The following TENM2 variants were observed in gnomAD, a reference collection of about 807,000 sequenced individuals.
TENM2 encodes teneurin transmembrane protein 2.
In TENM2, 52 loss-of-function variants were observed where a neutral mutation model predicts 245.2. That is an observed-to-expected ratio of 0.21 (90% confidence interval 0.17 to 0.27). The LOEUF (loss-of-function observed/expected upper bound fraction) is 0.27. TENM2 is among the 10% of genes least tolerant of loss of function. The probability of loss-of-function intolerance (pLI) is 1.00; values close to 1 mark genes in which losing one functional copy is unlikely to be tolerated. For missense variants in TENM2, 3,046 were observed against 3,666.8 expected (o/e 0.83, Z 4.37); for synonymous variants, 1,363 against 1,438.9 (o/e 0.95, Z 1.19).
intron 3 of TENM2, among the ~76,000 whole-genome samples, chr5:167,908,148 A>C (rs1270003467): frequency 1.3e-5 from 2 of 152,136 alleles, no homozygotes; most frequent in African/African-American, 4.8e-5. Context: ...GGTTCTCGGA[A>C]TCACTCTGTC....
intron 2 of TENM2, among the ~76,000 whole-genome samples, chr5:167,508,660 AAG>A (rs916943717): frequency 3.5e-4 from 54 of 152,308 alleles, no homozygotes; most frequent in African/African-American, 1.3e-3. Flanking sequence ...AGCTAATGTT[AAG>A]AGTTATTTAT....
At chr5:167,065,684 A>C in the TENM2 span, among the ~76,000 whole-genome samples, 4 of 152,252 alleles carry the variant, frequency 2.6e-5, no homozygotes, top group Non-Finnish European at 5.9e-5. Flanking sequence ...AAAGATAGGA[A>C]TCAATTCTGG....
intron 2 of TENM2, among the ~76,000 whole-genome samples, chr5:167,690,923 ATGTGTGTGTGTGTG>A (rs375456466): frequency 2.8e-4 from 22 of 78,782 alleles, no homozygotes; most frequent in South Asian, 2.3e-3. Flanking sequence ...ATATGCGAGT[ATGTGTGTGTGTGTG>A]TGTGTGTGTG....
At chr5:167,810,113 G>T (rs1766522808) in intron 2 of TENM2, among the ~76,000 whole-genome samples, 1 of 152,010 alleles carries the variant, frequency 6.6e-6, no homozygotes, top group Non-Finnish European at 1.5e-5. Flanking sequence ...ATAAAAAGTA[G>T]GTCTTGTCAA....
chr5:167,315,581 G>A (rs777100912), intron 1 of TENM2, among the ~76,000 whole-genome samples: 27 of 152,050 alleles, frequency 1.8e-4, no homozygotes, highest in Non-Finnish European at 1.5e-5. Context: ...AACAGAAAGT[G>A]TTTAGAAACA....
chr5:167,253,460 A>T, the TENM2 span, among the ~76,000 whole-genome samples: 1 of 151,992 alleles, frequency 6.6e-6, no homozygotes, highest in Non-Finnish European at 1.5e-5. Context: ...AACAAACAAA[A>T]AAAAGTGACC....
intron 2 of TENM2, among the ~76,000 whole-genome samples, chr5:167,727,773 GA>G (rs569756448): frequency 7.9e-5 from 12 of 152,266 alleles, no homozygotes; most frequent in African/African-American, 2.9e-4. Flanking sequence ...TTGAGGCCCA[GA>G]AAGGTTTAAA....
chr5:167,743,776 C>A, intron 2 of TENM2, among the ~76,000 whole-genome samples: 1 of 152,076 alleles, frequency 6.6e-6, no homozygotes, highest in East Asian at 1.9e-4. Flanking sequence ...GAAACCTTTG[C>A]TATTAAAAAG....
At chr5:167,774,525 A>T (rs747127817) in intron 2 of TENM2, among the ~76,000 whole-genome samples, 4 of 152,164 alleles carry the variant, frequency 2.6e-5, no homozygotes, top group Non-Finnish European at 4.4e-5. Context: ...CAACAGCTAC[A>T]TTAGGGAGAG....
chr5:167,220,769 A>G, the TENM2 span, among the ~76,000 whole-genome samples: 35 of 152,126 alleles, frequency 2.3e-4, no homozygotes, highest in Non-Finnish European at 4.4e-4. Flanking sequence ...TAATAAATAA[A>G]CAAGTGAATA....
chr5:168,150,483 A>G (rs1562219678), intron 12 of TENM2, among the ~76,000 whole-genome samples: 1 of 152,212 alleles, frequency 6.6e-6, no homozygotes, highest in East Asian at 1.9e-4. Context: ...TAGGATCCTC[A>G]TGGATCCTAT....
chr5:167,126,992 G>A, the TENM2 span, among the ~76,000 whole-genome samples: 7 of 151,514 alleles, frequency 4.6e-5, no homozygotes, highest in Non-Finnish European at 8.8e-5. Flanking sequence ...AAGCATAGAA[G>A]TGAATTCACA....
rs79822290 is a variant in TENM2 at position 168,053,875 on chromosome 5, T to C, written c.1309+6326T>C. Among the ~76,000 whole-genome samples the C allele has an allele frequency of 5.2e-3, 799 of 152,250 alleles. 8 individuals carry two copies. Among genetic ancestry groups the C allele is most frequent in the African/African-American group, 0.018 (748 of 41,560 alleles). On this transcript the variant is annotated intron_variant, in intron 6 of 28. Transcript: ENST00000518659. ...TGGGTTTTGATCATAGATCTACCAG[T>C]AAAAAGCTGGGTGACCCTAAGCAAG...
chr5:168,216,741 T>A (rs373798589), intron 21 of TENM2, 27 bp from the exon 24 acceptor site: 1 of 1,613,478 alleles, frequency 6.2e-7, no homozygotes, highest in Admixed American at 1.7e-5. Flanking sequence ...TTCCAAGAGA[T>A]AAATCCACAC....
chr5:167,112,741 G>T, the TENM2 span, among the ~76,000 whole-genome samples: 1 of 152,138 alleles, frequency 6.6e-6, no homozygotes, highest in Admixed American at 6.5e-5. Flanking sequence ...CGAATTGACA[G>T]TGTTCCAATC....
At chr5:167,848,209 T>C (rs1282604961) in intron 2 of TENM2, among the ~76,000 whole-genome samples, 1 of 152,096 alleles carries the variant, frequency 6.6e-6, no homozygotes, top group African/African-American at 2.4e-5. Flanking sequence ...GAGAACTGAA[T>C]AGGTCATGAG....
rs116524323 is a variant in TENM2 at position 167,456,510 on chromosome 5, A to G, written c.502+81037A>G. 7.7e-3 allele frequency among the ~76,000 whole-genome samples: 1,174 copies of G among 152,194 alleles called. 12 individuals carry two copies. The highest frequency in any genetic ancestry group is 0.026 in the African/African-American group (1,089 of 41,528). ...CACACATCTGGTTTTTAAATGTACT[A>G]TGCCTTTATTCCAGAGGTTTTACTG... is the stretch of plus-strand genomic sequence containing the variant. On this transcript the variant is annotated intron_variant, in intron 2 of 28. Coordinates refer to ENST00000518659, the Ensembl canonical transcript of TENM2.
chr5:167,878,762 A>C (rs532870797), intron 3 of TENM2, among the ~76,000 whole-genome samples: 95 of 152,310 alleles, frequency 6.2e-4, no homozygotes, highest in African/African-American at 2.0e-3. Flanking sequence ...TTTTGAACTG[A>C]GTCTGATAAA....
chr5:168,111,831 A>G (rs1239132372), intron 9 of TENM2, among the ~76,000 whole-genome samples: 2 of 152,082 alleles, frequency 1.3e-5, no homozygotes, highest in Non-Finnish European at 2.9e-5. Flanking sequence ...TTTTATCTGT[A>G]CTTACTTAAT....
Sources: allele counts gnomAD v4.1 joint callset (sites outside exome capture counted in the v4.1 genomes callset), GRCh38; gene constraint gnomAD v4.1.1; transcripts MANE v1.5; gene names NCBI Gene and HGNC (gene_info 2026-07-23, HGNC 2026-07-21).